Variants in FGGY observed in about 807,000 individuals in gnomAD.
FGGY encodes the protein FGGY carbohydrate kinase domain-containing protein.
A neutral mutation model predicts 71.3 loss-of-function variants in FGGY; 72 were observed. That is an observed-to-expected ratio of 1.01 (90% CI 0.84 to 1.23). The LOEUF (loss-of-function observed/expected upper bound fraction) is 1.23. FGGY is among the 50% of genes most tolerant of loss of function. The probability of loss-of-function intolerance (pLI) is 0.00; values close to 1 mark genes in which losing one functional copy is unlikely to be tolerated. For missense variants in FGGY, 668 were observed against 682.3 expected, an observed-to-expected ratio of 0.98 and a Z score of 0.23; for synonymous variants, 251 against 250.3, an observed-to-expected ratio of 1.00 and a Z score of -0.02.
chr1:59,606,527 A>C (rs1288008346), intron 8 of FGGY, among the ~76,000 whole-genome samples: 3 of 151,256 alleles, frequency 2.0e-5, no homozygotes, highest in Non-Finnish European at 4.4e-5. Flanking sequence ...ATGTATTAAC[A>C]TTTTTTTTTC....
intron 14 of FGGY, among the ~76,000 whole-genome samples, chr1:59,715,146 G>A (rs1374827708): frequency 6.6e-6 from 1 of 152,168 alleles, no homozygotes; most frequent in Non-Finnish European, 1.5e-5. Flanking sequence ...AGGGCATGAA[G>A]CATTTTTCCA....
chr1:59,327,668 C>A (rs1329323876), intron 2 of FGGY, among the ~76,000 whole-genome samples: 1 of 152,192 alleles, frequency 6.6e-6, no homozygotes, highest in Non-Finnish European at 1.5e-5. Flanking sequence ...TTTACTTTAT[C>A]TAGATCAATT....
At chr1:59,439,925 A>G (rs2069368820) in intron 5 of FGGY, among the ~76,000 whole-genome samples, 1 of 152,164 alleles carries the variant, frequency 6.6e-6, no homozygotes, top group Non-Finnish European at 1.5e-5. Context: ...GTCTCACACC[A>G]TTAAAACTAG....
intron 6 of FGGY, among the ~76,000 whole-genome samples, chr1:59,507,370 C>T (rs186673355): frequency 2.9e-4 from 44 of 152,314 alleles, no homozygotes; most frequent in African/African-American, 9.1e-4. Context: ...AAGTTACAAA[C>T]GGACACCTTT....
At chr1:59,576,270 GC>G (rs1377465180) in intron 8 of FGGY, among the ~76,000 whole-genome samples, 1 of 152,072 alleles carries the variant, frequency 6.6e-6, no homozygotes, top group Non-Finnish European at 1.5e-5. Flanking sequence ...GAATCTGGGA[GC>G]CATCATTCTC....
rs137906766 is a variant in FGGY at position 59,402,233 on chromosome 1, C to T, written c.554+23396C>T. On this transcript the variant is annotated intron_variant, in intron 5 of 15. Transcript: ENST00000303721. ...GAAATGGTCGACAGTGTGGAGTGGA[C>T]AGAGCACGGACATGTAGCTTGGGGT... 8.4e-4 allele frequency among the ~76,000 whole-genome samples: 128 copies of T among 152,250 alleles called. 2 individuals are homozygous for T. Among genetic ancestry groups the T allele is most frequent in the African/African-American group, 2.8e-3 (117 of 41,540 alleles).
At chr1:59,760,628 TTTC>T (rs2098333376) in intron 15 of FGGY, among the ~76,000 whole-genome samples, 1 of 152,180 alleles carries the variant, frequency 6.6e-6, no homozygotes, top group African/African-American at 2.4e-5. Context: ...AAAGAAGCAA[TTTC>T]TGACATGCCA....
chr1:59,669,409 A>G (rs2153973562), intron 13 of FGGY, among the ~76,000 whole-genome samples: 1 of 152,284 alleles, frequency 6.6e-6, no homozygotes, highest in African/African-American at 2.4e-5. Flanking sequence ...GGAAAGACAT[A>G]AAAAGAGCCC....
chr1:59,746,527 G>T (rs574674582), intron 14 of FGGY, among the ~76,000 whole-genome samples: 1 of 151,972 alleles, frequency 6.6e-6, no homozygotes, highest in Non-Finnish European at 1.5e-5. Context: ...TTACTGTGTC[G>T]CCCAGGCTGG....
chr1:59,503,009 C>T (rs1374988278), intron 6 of FGGY, among the ~76,000 whole-genome samples: 1 of 152,196 alleles, frequency 6.6e-6, no homozygotes, highest in Non-Finnish European at 1.5e-5. Context: ...TCATCACATT[C>T]TATGCCTGCC....
chr1:59,388,390 T>C, intron 5 of FGGY, among the ~76,000 whole-genome samples: 1 of 152,110 alleles, frequency 6.6e-6, no homozygotes, highest in Non-Finnish European at 1.5e-5. Context: ...TCCCTTACCG[T>C]CTTGGAGAAA....
intron 13 of FGGY, chr1:59,673,735 C>G (rs1475062214): frequency 3.1e-6 from 1 of 319,536 alleles, no homozygotes. Context: ...TGGATCTGAA[C>G]TTGAATCAAA....
At chr1:59,717,048 A>G (rs1054442206) in intron 14 of FGGY, among the ~76,000 whole-genome samples, 1 of 152,172 alleles carries the variant, frequency 6.6e-6, no homozygotes, top group Non-Finnish European at 1.5e-5. Flanking sequence ...CACACATTTC[A>G]CATATGCTCG....
intron 9 of FGGY, among the ~76,000 whole-genome samples, chr1:59,610,363 T>G (rs2096662888): frequency 6.6e-6 from 1 of 152,218 alleles, no homozygotes; most frequent in South Asian, 2.1e-4. Context: ...GTTAGTTTGC[T>G]GAGGATGATG....
intron 5 of FGGY, among the ~76,000 whole-genome samples, chr1:59,389,436 G>A (rs1359384248): frequency 6.6e-6 from 1 of 152,154 alleles, no homozygotes; most frequent in African/African-American, 2.4e-5. Context: ...ATCCTATTGT[G>A]TGCATATACT....
At chr1:59,400,839 A>G (rs546477837) in intron 5 of FGGY, among the ~76,000 whole-genome samples, 2 of 152,108 alleles carry the variant, frequency 1.3e-5, no homozygotes, top group Admixed American at 1.3e-4. Context: ...TGGCGTGATC[A>G]TGGCTCACTG....
intron 4 of FGGY, among the ~76,000 whole-genome samples, chr1:59,376,815 A>G (rs543875878): frequency 2.4e-4 from 37 of 152,334 alleles, no homozygotes; most frequent in African/African-American, 8.7e-4. Flanking sequence ...AGAAACCAGG[A>G]CATGGAAAGT....
chr1:59,686,238 C>T (rs548731467), intron 14 of FGGY, among the ~76,000 whole-genome samples: 1 of 152,162 alleles, frequency 6.6e-6, no homozygotes, highest in African/African-American at 2.4e-5. Flanking sequence ...TATTCCTTCC[C>T]TTGGCCAGCT....
At chr1:59,529,668 G>A (rs537460567) in intron 7 of FGGY, among the ~76,000 whole-genome samples, 23 of 152,284 alleles carry the variant, frequency 1.5e-4, no homozygotes, top group Non-Finnish European at 2.8e-4. Flanking sequence ...TCTGAGTACC[G>A]TTTTGGAGTT....
Sources: allele counts gnomAD v4.1 joint callset (sites outside exome capture counted in the v4.1 genomes callset), GRCh38; gene constraint gnomAD v4.1.1; transcripts MANE v1.5; gene names NCBI Gene and HGNC (gene_info 2026-07-23, HGNC 2026-07-21).